The following GTF2H3 variants were observed in gnomAD, a reference collection of about 807,000 sequenced individuals.
The protein encoded by GTF2H3 is TFIIH basal transcription factor complex p34 subunit.
In GTF2H3, 42 loss-of-function variants were observed where a neutral mutation model predicts 51.1. The observed-to-expected ratio is 0.82, with a 90% CI of 0.64 to 1.06. The LOEUF (loss-of-function observed/expected upper bound fraction) is 1.06, where lower values mean the gene tolerates loss of function less well. GTF2H3 is among the 50% of genes least tolerant of loss of function. The pLI is 0.00. For missense variants in GTF2H3, 326 were observed against 366.1 expected (o/e 0.89, Z 0.89); for synonymous variants, 123 against 123.8 (o/e 0.99, Z 0.04).
rs1013044187 is a variant in GTF2H3 at position 123,662,279 on chromosome 12, A to T, written c.*2044A>T. 1 of 152,058 alleles carries T rather than the reference A, an allele frequency of 6.6e-6. No homozygotes were observed. The highest frequency in any genetic ancestry group is 1.5e-5 in the Non-Finnish European group (1 of 68,024). 9.4% of individuals were successfully genotyped at this position (152,058 alleles called of 1,614,324 possible). A position where few individuals can be genotyped will look rare whatever the true frequency, so the allele number is the denominator to read the frequency against. The stretch of plus-strand genomic sequence containing the variant: ...TGTTGGCTTAGATAATTTCAGATAG[A>T]TTTTATATTCTGGATTTGTGTTTTT... On this transcript the variant is annotated 3_prime_UTR_variant, in exon 13 of 13. Coordinates refer to ENST00000543341, the MANE Select transcript of GTF2H3 (RefSeq NM_001516.5).
chr12:123,633,892 G>A lies in GTF2H3; in HGVS notation c.13+20G>A. On this transcript the variant is annotated intron_variant, in intron 1 of 12. Coordinates refer to ENST00000543341, the MANE Select transcript of GTF2H3 (RefSeq NM_001516.5). ...CAGACGGTGAGGACCCTGCAGGGCGGGACTTCGACTCCGGGGCTCGGCTGT... is the reference window on the plus strand; with the variant it reads ...CAGACGGTGAGGACCCTGCAGGGCGAGACTTCGACTCCGGGGCTCGGCTGT... 1 of 1,613,060 alleles carries A rather than the reference G, an allele frequency of 6.2e-7. No individual in the cohort carries two copies. The highest frequency in any genetic ancestry group is 8.5e-7 in the Non-Finnish European group (1 of 1,179,702).
rs7965502 is a variant in GTF2H3, at chr12:123,652,871, A to G, written c.486+136A>G. ...GGTGGGCAGATCACTTGAGGTCAGGAGTTCGGGACCAGCCTGGCCAACATG... is the reference window on the plus strand; with the variant it reads ...GGTGGGCAGATCACTTGAGGTCAGGGGTTCGGGACCAGCCTGGCCAACATG... On this transcript the variant is annotated intron_variant, in intron 7 of 12. Coordinates refer to ENST00000543341, the MANE Select transcript of GTF2H3 (RefSeq NM_001516.5). 10,075 of 731,478 alleles carry G rather than the reference A, an allele frequency of 0.014. 763 individuals carry two copies. The African/African-American group carries it at 0.16, about 12-fold the overall frequency. The allele number at this position is 731,478 out of a possible 1,614,324, so 45.3% of individuals were successfully genotyped here.
At chr12:123,650,886 T>A in intron 4 of GTF2H3, 108 bp from the exon 5 acceptor site, 1 of 687,576 alleles carries the variant, frequency 1.5e-6, no homozygotes, top group South Asian at 1.6e-5. Flanking sequence ...ATTTCATTTA[T>A]GAAGAATGCT....
In GTF2H3 at chr12:123,633,871, C is replaced by A; in HGVS notation, c.12C>A (p.Asp4Glu). The change falls in exon 1 of 13, where the codon GAC becomes GAA. Residue 4 changes from aspartate (D) to glutamate (E), a missense_variant and splice_region_variant. Transcript: ENST00000543341. ...GTGCTGGGACAGCCATGGTTTCAGA[C>A]GGTGAGGACCCTGCAGGGCGGGACT... Reference protein sequence around the residue: MVSDEDELNLLVIV... With the variant: MVSEEDELNLLVIV... 3 of 1,613,432 alleles carry A rather than the reference C, an allele frequency of 1.9e-6. No individual in the cohort carries two copies. Among genetic ancestry groups the A allele is most frequent in the South Asian group, 1.1e-5 (1 of 91,082 alleles).
chr12:123,651,120 C>A, intron 5 of GTF2H3, 64 bp downstream of exon 5: 1 of 1,225,648 alleles, frequency 8.2e-7, no homozygotes, highest in South Asian at 1.2e-5. Flanking sequence ...TAACTTGTGA[C>A]ATTTCTTAGG....
At chr12:123,646,255 CTTTT>C (rs34427180) in intron 3 of GTF2H3, among the ~76,000 whole-genome samples, 4 of 135,788 alleles carry the variant, frequency 2.9e-5, no homozygotes, top group Non-Finnish European at 3.2e-5. Flanking sequence ...TCTTCTATGT[CTTTT>C]TTTTTTTTTT....
intron 2 of GTF2H3, among the ~76,000 whole-genome samples, chr12:123,642,035 G>A (rs1041560774): frequency 6.6e-6 from 1 of 151,376 alleles, no homozygotes; most frequent in Non-Finnish European, 1.5e-5. Context: ...TGTATTTTTG[G>A]TAGTGACAGG....
intron 9 of GTF2H3, chr12:123,659,234 G>A: frequency 2.7e-6 from 1 of 370,130 alleles, no homozygotes; most frequent in Middle Eastern, 8.5e-4. Context: ...AGGCATGGTG[G>A]CGCATGCCTG....
At chr12:123,646,253 GTC>G (rs1955445295) in intron 3 of GTF2H3, among the ~76,000 whole-genome samples, 1 of 147,154 alleles carries the variant, frequency 6.8e-6, no homozygotes. Context: ...GCTCTTCTAT[GTC>G]TTTTTTTTTT....
intron 7 of GTF2H3, among the ~76,000 whole-genome samples, chr12:123,654,698 C>CA (rs1955564328): frequency 2.0e-5 from 3 of 151,924 alleles, no homozygotes. Flanking sequence ...CATGTATATA[C>CA]CTGCCCATGT....
intron 11 of GTF2H3, 48 bp from the exon 12 acceptor site, chr12:123,659,998 T>C (rs1955637081): frequency 1.9e-6 from 3 of 1,595,130 alleles, no homozygotes; most frequent in African/African-American, 2.7e-5. Flanking sequence ...TTCTCAGCTG[T>C]GTTGTTTTTC....
chr12:123,644,881 G>A (rs1955425522), intron 2 of GTF2H3, among the ~76,000 whole-genome samples: 1 of 152,128 alleles, frequency 6.6e-6, no homozygotes, highest in Admixed American at 6.6e-5. Context: ...CACAGAACAT[G>A]TGACATGTTT....
chr12:123,646,926 C>A (rs964695219), intron 3 of GTF2H3, among the ~76,000 whole-genome samples: 1 of 148,896 alleles, frequency 6.7e-6, no homozygotes, highest in African/African-American at 2.5e-5. Flanking sequence ...CCGAGGCGGG[C>A]GGATCACGAG....
At chr12:123,653,175 C>A (rs766047844) in intron 7 of GTF2H3, among the ~76,000 whole-genome samples, 33 of 151,998 alleles carry the variant, frequency 2.2e-4, no homozygotes, top group Non-Finnish European at 4.4e-4. Flanking sequence ...ATCCAGGATT[C>A]ATTTAACAAG....
chr12:123,658,836 T>C (rs1359142813), intron 9 of GTF2H3, among the ~76,000 whole-genome samples: 1 of 152,190 alleles, frequency 6.6e-6, no homozygotes, highest in African/African-American at 2.4e-5. Context: ...AGTATTCTGA[T>C]TATATAAAGA....
intron 2 of GTF2H3, among the ~76,000 whole-genome samples, chr12:123,640,851 A>G (rs1955361251): frequency 1.3e-5 from 2 of 152,218 alleles, no homozygotes. Flanking sequence ...GCATGGCTCA[A>G]AAAGCCTAAA....
chr12:123,647,113 A>G (rs1955457601), intron 3 of GTF2H3, among the ~76,000 whole-genome samples: 1 of 147,646 alleles, frequency 6.8e-6, no homozygotes, highest in African/African-American at 2.5e-5. Flanking sequence ...AGGTCGTGCC[A>G]CTGCACTGCA....
chr12:123,659,529 C>T lies in GTF2H3; in HGVS notation c.629C>T (p.Thr210Met), dbSNP rs146276537. ...SGLLQQACDI[T>M]GGLYLKVPQM... ...TGTGTCTTGCAGGCTTGTGACATCA[C>T]GGGAGGACTGTACCTGAAGGTGCCT... The change falls in exon 10 of 13, where the codon ACG becomes ATG. Residue 210 changes from threonine (T) to methionine (M), a missense_variant. Coordinates refer to ENST00000543341, the MANE Select transcript of GTF2H3 (RefSeq NM_001516.5). The T allele has an allele frequency of 7.2e-5, 117 of 1,614,110 alleles. No homozygotes were observed. Among genetic ancestry groups the T allele is most frequent in the Non-Finnish European group, 9.2e-5 (109 of 1,180,000 alleles).
intron 11 of GTF2H3, 43 bp downstream of exon 11, chr12:123,659,973 G>A (rs759577256): frequency 6.2e-7 from 1 of 1,604,132 alleles, no homozygotes; most frequent in Non-Finnish European, 8.5e-7. Context: ...CTATGTTGGG[G>A]GGCAGGAAAA....
Sources: gnomAD v4.1 joint callset for allele counts (sites outside exome capture counted in the v4.1 genomes callset) on GRCh38, gnomAD v4.1.1 for gene constraint, MANE v1.5 for transcripts, NCBI Gene and HGNC (gene_info 2026-07-23, HGNC 2026-07-21) for gene names.